MINK1: variants seen among roughly 807,000 people sequenced by gnomAD.
The protein encoded by MINK1 is misshapen like kinase 1, also known as misshapen-like kinase 1.
Under a neutral mutation model 178.4 loss-of-function variants are expected in MINK1, and 46 were observed. The ratio of observed to expected loss-of-function variants is 0.26; its 90% CI spans 0.20 to 0.33. MINK1 has a LOEUF of 0.33. Among genes scored for constraint, MINK1 ranks in the 10% least tolerant of loss-of-function variants. MINK1 has a pLI of 1.00. For missense variants in MINK1, 1,366 were observed against 1,814.9 expected (o/e 0.75, Z 4.49); for synonymous variants, 797 against 709.7 (o/e 1.12, Z -1.96).
Position 4,833,442 on chromosome 17 carries a change from C to G in MINK1, c.-142C>G. ...GTCGGTGGGTCGGTCCTCGCGCCGG[C>G]CCTCCCCCTCCCCGGTCTCCGGGGG... On this transcript the variant is annotated 5_prime_UTR_variant, in exon 1 of 32. Coordinates refer to ENST00000355280, the MANE Select transcript of MINK1 (RefSeq NM_153827.5). The surrounding 1 kb of genome is among the most constrained non-coding windows in gnomAD (Gnocchi z 4.8). 1 of 625,564 alleles carries G rather than the reference C, an allele frequency of 1.6e-6. No homozygotes were observed. The allele number at this position is 625,564 out of a possible 1,614,324, so 38.8% of individuals were successfully genotyped here. A position where few individuals can be genotyped will look rare whatever the true frequency, so the allele number is the denominator to read the frequency against.
intron 1 of MINK1, among the ~76,000 whole-genome samples, chr17:4,837,482 G>T (rs188055210): frequency 3.3e-5 from 5 of 152,208 alleles, no homozygotes; most frequent in Admixed American, 6.5e-5. Flanking sequence ...CTTGTCTGGG[G>T]TAAACAGTTC....
chr17:4,894,710 C>A lies in MINK1; in HGVS notation c.2917+77C>A. The A allele has an allele frequency of 8.8e-7, 1 of 1,133,756 alleles. No homozygotes were observed. The highest frequency in any genetic ancestry group is 1.3e-6 in the Non-Finnish European group (1 of 770,676). 70.2% of individuals were successfully genotyped at this position (1,133,756 alleles called of 1,614,324 possible). A position where few individuals can be genotyped will look rare whatever the true frequency, so the allele number is the denominator to read the frequency against. On this transcript the variant is annotated intron_variant, in intron 24 of 31. Coordinates refer to ENST00000355280, the MANE Select transcript of MINK1 (RefSeq NM_153827.5). The surrounding 1 kb of genome is among the most constrained non-coding windows in gnomAD (Gnocchi z 4.1). ...GGAGGGGAGCACAGTGGTCTTGAGA[C>A]GCAGCCTCACAAAGCATAGCCACAG...
chr17:4,895,475 C>T lies in MINK1; in HGVS notation c.3211C>T (p.Leu1071=), dbSNP rs1444404572. Residue 1071 remains leucine, a synonymous_variant, in exon 26 of 32, where the codon CTG becomes TTG. Coordinates refer to ENST00000355280, the MANE Select transcript of MINK1 (RefSeq NM_153827.5). This position sits in a 1 kb window ranked among gnomAD's most constrained non-coding sequence, Gnocchi z 4.3. Reference sequence around the variant, plus strand: ...GATGGATGTGCTGGAGGGGCTCAACCTGCTCATCACCATCTCAGGTACAGG... The same window carrying T: ...GATGGATGTGCTGGAGGGGCTCAACTTGCTCATCACCATCTCAGGTACAGG... The part of the protein sequence containing the change: ...QQMDVLEGLN[L]LITISGKRNK... 1.0e-5 allele frequency: 16 copies of T among 1,588,454 alleles called. No individual in the cohort carries two copies. The African/African-American group carries it at 2.1e-4, about 21-fold the overall frequency.
intron 4 of MINK1, 120 bp downstream of exon 4, chr17:4,881,377 C>T: frequency 8.6e-7 from 1 of 1,162,440 alleles, no homozygotes; most frequent in Non-Finnish European, 1.2e-6. Flanking sequence ...TCCGGTCTAC[C>T]CAGCCTCCCC....
chr17:4,835,066 C>T (rs754793455), intron 1 of MINK1, among the ~76,000 whole-genome samples: 1 of 151,964 alleles, frequency 6.6e-6, no homozygotes, highest in Non-Finnish European at 1.5e-5. Context: ...AGGGACTGAA[C>T]GCTGAATTTC....
At chr17:4,851,999 CAAAAAAAAAAAAAAAA>C (rs535581252) in intron 1 of MINK1, among the ~76,000 whole-genome samples, 1 of 69,444 alleles carries the variant, frequency 1.4e-5, no homozygotes, top group Admixed American at 1.9e-4. Context: ...GACTCTGTCT[CAAAAAAAAAAAAAAAA>C]AAAAAAAAAA....
At chr17:4,858,927 A>C (rs1913648695) in intron 1 of MINK1, among the ~76,000 whole-genome samples, 1 of 152,146 alleles carries the variant, frequency 6.6e-6, no homozygotes, top group Non-Finnish European at 1.5e-5. Flanking sequence ...CCCTAGCCTC[A>C]CAGCTAGCTG....
rs920457323 is a variant in MINK1 at position 4,896,951 on chromosome 17, C to G, written c.3915+138C>G. The G allele has an allele frequency of 1.3e-5, 15 of 1,174,614 alleles. No individual in the cohort carries two copies. The highest frequency in any genetic ancestry group is 1.6e-5 in the Non-Finnish European group (14 of 852,880). 72.8% of individuals were successfully genotyped at this position (1,174,614 alleles called of 1,614,324 possible). A position where few individuals can be genotyped will look rare whatever the true frequency, so the allele number is the denominator to read the frequency against. On this transcript the variant is annotated intron_variant, in intron 31 of 31. Coordinates refer to ENST00000355280, the MANE Select transcript of MINK1 (RefSeq NM_153827.5). The surrounding 1 kb of genome is among the most constrained non-coding windows in gnomAD (Gnocchi z 4.6). ...CTCTGGGAGCTCAGAGGGCAGTCAG[C>G]CACTACCACTGCCCTGCGCTCCCTT...
chr17:4,865,929 A>G (rs1161490103), intron 1 of MINK1, among the ~76,000 whole-genome samples: 1 of 152,094 alleles, frequency 6.6e-6, no homozygotes, highest in African/African-American at 2.4e-5. Flanking sequence ...GTGTCATCTG[A>G]GATGCAACGA....
chr17:4,870,550 TGTGGTGGCTCATG>T, intron 1 of MINK1, among the ~76,000 whole-genome samples: 2 of 152,070 alleles, frequency 1.3e-5, no homozygotes, highest in African/African-American at 4.8e-5. Context: ...TTAGGCCAGG[TGTGGTGGCTCATG>T]CCTGTAATGC....
chr17:4,892,346 C>A (rs1365316591), intron 17 of MINK1, 56 bp from the exon 18 acceptor site: 3 of 1,464,480 alleles, frequency 2.0e-6, no homozygotes, highest in Non-Finnish European at 2.8e-6. Flanking sequence ...AGCCCCAGCC[C>A]CATCACCTCA....
chr17:4,893,363 T>C, intron 20 of MINK1, 71 bp from the exon 21 acceptor site: 1 of 1,610,530 alleles, frequency 6.2e-7, no homozygotes, highest in Non-Finnish European at 8.5e-7. Context: ...TGCTGGGGTG[T>C]CCCGGCACCC....
chr17:4,847,197 G>A, intron 1 of MINK1: 1 of 481,644 alleles, frequency 2.1e-6, no homozygotes, highest in South Asian at 1.5e-5. Flanking sequence ...ATGGCATGAG[G>A]AGCCGGGTGA....
rs2286668 is a variant in MINK1, at chr17:4,894,423, C to T, written c.2809-102C>T. On this transcript the variant is annotated intron_variant, in intron 23 of 31. Transcript: ENST00000355280. The surrounding 1 kb of genome is among the most constrained non-coding windows in gnomAD (Gnocchi z 4.1). ...GGGCGGAGCGCTGGGAGCTGGACAG[C>T]GGGGGTGCCAGTTGGGGAGCTGGAG... The T allele has an allele frequency of 0.15, 228,546 of 1,521,984 alleles. 20,627 individuals carry two copies. Among genetic ancestry groups the T allele is most frequent in the African/African-American group, 0.43 (30,877 of 72,632 alleles). 94.3% of individuals were successfully genotyped at this position (1,521,984 alleles called of 1,614,324 possible). A position where few individuals can be genotyped will look rare whatever the true frequency, so the allele number is the denominator to read the frequency against.
At chr17:4,842,141 A>T (rs367983152) in intron 1 of MINK1, among the ~76,000 whole-genome samples, 1 of 150,856 alleles carries the variant, frequency 6.6e-6, no homozygotes. Context: ...GGAGAATGGC[A>T]TGAACCCGGG....
intron 1 of MINK1, among the ~76,000 whole-genome samples, chr17:4,876,350 G>GT (rs148111174): frequency 0.051 from 7,773 of 152,270 alleles, 620 homozygotes; most frequent in African/African-American, 0.17. Context: ...TAAATGTAGA[G>GT]CACAATGCCT....
intron 1 of MINK1, among the ~76,000 whole-genome samples, chr17:4,874,465 C>T (rs572430105): frequency 1.3e-5 from 2 of 152,298 alleles, no homozygotes; most frequent in East Asian, 1.9e-4. Context: ...ATCAGGAAAG[C>T]GCCATTTTGG....
chr17:4,858,427 G>A (rs570560632), intron 1 of MINK1, among the ~76,000 whole-genome samples: 1 of 149,376 alleles, frequency 6.7e-6, no homozygotes, highest in Admixed American at 6.6e-5. Flanking sequence ...ACTTTATTCT[G>A]TTCTGCCAGC....
chr17:4,887,114 G>A lies in MINK1; in HGVS notation c.954G>A (p.Glu318=), dbSNP rs1171814200. ...TGCAGTGGCCTCCCCCTGCAGAGGA[G>A]ACAGAATATGAGTACAGCGGCAGCG... The part of the protein sequence containing the change: ...RSRKKRGEKE[E]TEYEYSGSEE... Residue 318 remains glutamate (E), a synonymous_variant, in exon 11 of 32, where the codon GAG becomes GAA. Coordinates refer to ENST00000355280, the MANE Select transcript of MINK1 (RefSeq NM_153827.5). The surrounding 1 kb of genome is among the most constrained non-coding windows in gnomAD (Gnocchi z 7.6). 1.1e-5 allele frequency: 18 copies of A among 1,595,854 alleles called. No homozygotes were observed. The highest frequency in any genetic ancestry group is 1.5e-5 in the Non-Finnish European group (18 of 1,171,298).
Sources: allele counts gnomAD v4.1 joint callset (sites outside exome capture counted in the v4.1 genomes callset), GRCh38; gene constraint gnomAD v4.1.1; non-coding constraint Gnocchi (gnomAD v3.1); transcripts MANE v1.5; gene names NCBI Gene and HGNC (gene_info 2026-07-23, HGNC 2026-07-21).